Variants in ENPP1 observed in about 807,000 individuals in gnomAD.
ENPP1 encodes ectonucleotide pyrophosphatase/phosphodiesterase family member 1.
In ENPP1, 73 loss-of-function variants were observed where a neutral mutation model predicts 122.8. That is an observed-to-expected ratio of 0.59 (90% CI 0.49 to 0.72). The LOEUF (loss-of-function observed/expected upper bound fraction) is 0.72, where lower values mean the gene tolerates loss of function less well. Among genes scored for constraint, ENPP1 ranks in the 30% least tolerant of loss-of-function variants. ENPP1 has a pLI of 0.00. For missense variants in ENPP1, 978 were observed against 1,128.1 expected, an observed-to-expected ratio of 0.87 and a Z score of 1.91; for synonymous variants, 367 against 391.6, an observed-to-expected ratio of 0.94 and a Z score of 0.74.
intron 1 of ENPP1, among the ~76,000 whole-genome samples, chr6:131,810,322 C>T (rs1453913431): frequency 6.6e-6 from 1 of 152,156 alleles, no homozygotes; most frequent in Non-Finnish European, 1.5e-5. Flanking sequence ...TGTGCCACTG[C>T]ACTTCAGCTT....
intron 23 of ENPP1, among the ~76,000 whole-genome samples, chr6:131,886,236 C>T (rs1009268500): frequency 6.6e-6 from 1 of 152,064 alleles, no homozygotes; most frequent in Non-Finnish European, 1.5e-5. Context: ...ATGGTTTACA[C>T]TCTTGGTCAT....
At chr6:131,817,685 A>G (rs993602142) in intron 1 of ENPP1, among the ~76,000 whole-genome samples, 5 of 150,974 alleles carry the variant, frequency 3.3e-5, no homozygotes, top group South Asian at 4.2e-4. Flanking sequence ...GGGCAATATA[A>G]TGAAACCCCA....
intron 15 of ENPP1, 88 bp from the exon 16 acceptor site, chr6:131,874,180 C>T: frequency 1.1e-6 from 1 of 894,780 alleles, no homozygotes; most frequent in Non-Finnish European, 1.8e-6. Flanking sequence ...TAGTTACATA[C>T]TTTTTAATCA....
At chr6:131,873,123 C>A in intron 15 of ENPP1, 73 bp downstream of exon 15, 2 of 1,489,556 alleles carry the variant, frequency 1.3e-6, no homozygotes, top group Non-Finnish European at 1.9e-6. Context: ...TGGGCCCTTT[C>A]TAACAATATT....
At chr6:131,887,120 A>G (rs1782390407) in intron 24 of ENPP1, among the ~76,000 whole-genome samples, 1 of 151,864 alleles carries the variant, frequency 6.6e-6, no homozygotes, top group Non-Finnish European at 1.5e-5. Context: ...GTATGGCTTA[A>G]CCACTAAAGT....
chr6:131,880,778 A>C (rs1782294522), intron 20 of ENPP1, among the ~76,000 whole-genome samples: 1 of 152,154 alleles, frequency 6.6e-6, no homozygotes, highest in Admixed American at 6.5e-5. Context: ...AAGCCATTAA[A>C]GCTCAGTAAC....
At chr6:131,890,117 A>G (rs977411283) in intron 24 of ENPP1, among the ~76,000 whole-genome samples, 2 of 152,132 alleles carry the variant, frequency 1.3e-5, no homozygotes, top group Non-Finnish European at 2.9e-5. Context: ...TTCCAGGTAT[A>G]GTTTCTTTTC....
intron 1 of ENPP1, among the ~76,000 whole-genome samples, chr6:131,841,370 G>C (rs1410027636): frequency 2.0e-5 from 3 of 152,174 alleles, no homozygotes; most frequent in African/African-American, 7.2e-5. Context: ...AAAGATCAGA[G>C]GACTGATAGG....
rs200074342 is a variant in ENPP1 at position 131,854,894 on chromosome 6, T to G, written c.618-32T>G. On this transcript the variant is annotated intron_variant, in intron 5 of 24. Transcript: ENST00000647893. ...TTGGATATGTCTTGTCTTTGCTTCT[T>G]TAAACATTTTTTTTTCTTTTTCATT... The G allele has an allele frequency of 2.7e-6, 4 of 1,497,772 alleles. No individual in the cohort carries two copies. In the East Asian group the frequency reaches 9.0e-5, roughly 34 times the overall value. The allele number at this position is 1,497,772 out of a possible 1,614,324, so 92.8% of individuals were successfully genotyped here. A position where few individuals can be genotyped will look rare whatever the true frequency, so the allele number is the denominator to read the frequency against.
chr6:131,838,062 T>A (rs10452622), intron 1 of ENPP1, among the ~76,000 whole-genome samples: 17,945 of 152,182 alleles, frequency 0.12, 2,594 homozygotes, highest in African/African-American at 0.34. Context: ...ATCTTTAGAT[T>A]CAGGTAGCTT....
intron 18 of ENPP1, chr6:131,877,875 A>G (rs1415493934): frequency 1.8e-5 from 2 of 113,822 alleles, no homozygotes; most frequent in East Asian, 2.2e-4. Flanking sequence ...AAATATATAT[A>G]TATATATATA....
At chr6:131,850,176 T>G in intron 3 of ENPP1, 70 bp downstream of exon 3, 1 of 1,077,518 alleles carries the variant, frequency 9.3e-7, no homozygotes, top group Non-Finnish European at 1.4e-6. Flanking sequence ...TCTGTGTCTT[T>G]CAGGTATGTG....
intron 1 of ENPP1, chr6:131,827,083 T>G: frequency 3.1e-6 from 2 of 650,160 alleles, no homozygotes; most frequent in South Asian, 1.5e-5. Flanking sequence ...TGCTCCAGGC[T>G]TAGCACCTCC....
chr6:131,808,665 G>A (rs939984880), intron 1 of ENPP1, among the ~76,000 whole-genome samples: 3 of 152,198 alleles, frequency 2.0e-5, no homozygotes, highest in Non-Finnish European at 4.4e-5. Context: ...GGGGCTCTGG[G>A]CGCAGTATAC....
At chr6:131,872,330 A>G (rs1029089210) in intron 14 of ENPP1, among the ~76,000 whole-genome samples, 16 of 152,280 alleles carry the variant, frequency 1.1e-4, no homozygotes, top group African/African-American at 3.8e-4. Flanking sequence ...TTTATATGAG[A>G]AGAAGAAATA....
chr6:131,836,398 G>T lies in ENPP1; in HGVS notation c.241-11378G>T, dbSNP rs112014612. The stretch of plus-strand genomic sequence containing the variant: ...CAAAGTGCTGGGATTACATGTGTGA[G>T]TCACCACACCCAGCCGAGTGTGTGT... On this transcript the variant is annotated intron_variant, in intron 1 of 24. Transcript: ENST00000647893. Among the ~76,000 whole-genome samples, 1,303 of 148,810 alleles carry T rather than the reference G, an allele frequency of 8.8e-3. 18 individuals are homozygous for T. The highest frequency in any genetic ancestry group is 0.03 in the African/African-American group (1,190 of 39,882).
At chr6:131,850,355 G>T (rs1585815071) in intron 3 of ENPP1, among the ~76,000 whole-genome samples, 1 of 152,032 alleles carries the variant, frequency 6.6e-6, no homozygotes, top group East Asian at 1.9e-4. Context: ...TATGCTGAAA[G>T]CCTTTGTAAT....
At chr6:131,818,455 G>A (rs150318150) in intron 1 of ENPP1, among the ~76,000 whole-genome samples, 3,057 of 152,076 alleles carry the variant, frequency 0.02, 90 homozygotes, top group African/African-American at 0.069. Flanking sequence ...GACCATCCTG[G>A]CTAACACGGT....
chr6:131,808,750 G>A (rs889553464), intron 1 of ENPP1, among the ~76,000 whole-genome samples: 1 of 152,132 alleles, frequency 6.6e-6, no homozygotes, highest in Admixed American at 6.5e-5. Flanking sequence ...GAACTCTACG[G>A]AACACTTTTT....
Sources: gnomAD v4.1 joint callset for allele counts (sites outside exome capture counted in the v4.1 genomes callset) on GRCh38, gnomAD v4.1.1 for gene constraint, MANE v1.5 for transcripts, NCBI Gene and HGNC (gene_info 2026-07-23, HGNC 2026-07-21) for gene names.